Variants in GGA3 observed in about 807,000 individuals in gnomAD.
GGA3 encodes the protein golgi associated, gamma adaptin ear containing, ARF binding protein 3.
In GGA3, 57 loss-of-function variants were observed where a neutral mutation model predicts 77.5. The ratio of observed to expected loss-of-function variants is 0.74; its 90% CI spans 0.59 to 0.92. GGA3 has a LOEUF of 0.92. Among genes scored for constraint, GGA3 ranks in the 40% least tolerant of loss-of-function variants. The probability of loss-of-function intolerance (pLI) is 0.00; values close to 1 mark genes in which losing one functional copy is unlikely to be tolerated. For missense variants in GGA3, 970 were observed against 914.9 expected (o/e 1.06, Z -0.78); for synonymous variants, 416 against 383.7 (o/e 1.08, Z -0.98).
At chr17:75,243,806 G>C (rs1008726451) in intron 4 of GGA3, among the ~76,000 whole-genome samples, 4 of 152,044 alleles carry the variant, frequency 2.6e-5, no homozygotes, top group Non-Finnish European at 5.9e-5. Context: ...ATCACCTCCT[G>C]TCCAGGAAGT....
In GGA3 at chr17:75,246,521, G is replaced by A; in HGVS notation, c.189C>T (p.Leu63=). The change falls in exon 3 of 17, where the codon CTC becomes CTT. Residue 63 remains leucine, a synonymous_variant. Coordinates refer to ENST00000537686, the MANE Select transcript of GGA3 (RefSeq NM_138619.4). ...GTGAAGGACCTACCGTCAGGGCCTGGAGCGCCTCCCATTCCTGTGGGGACT... is the reference window on the plus strand; with the variant it reads ...GTGAAGGACCTACCGTCAGGGCCTGAAGCGCCTCCCATTCCTGTGGGGACT... ...KIQSPQEWEA[L]QALTVLEACM... The A allele has an allele frequency of 6.2e-7, 1 of 1,610,286 alleles. No individual in the cohort carries two copies. The highest frequency in any genetic ancestry group is 1.1e-5 in the South Asian group (1 of 90,996).
At chr17:75,261,845 T>G (rs2077395881), upstream of GGA3, 1 of 1,561,316 alleles carries the variant, frequency 6.4e-7, no homozygotes, top group Admixed American at 1.8e-5. Context: ...CCGTTTCCCG[T>G]CACTCGCTCA....
chr17:75,244,773 G>C (rs967686978), intron 3 of GGA3, 56 bp from the exon 4 acceptor site: 2 of 1,137,136 alleles, frequency 1.8e-6, no homozygotes, highest in African/African-American at 1.5e-5. Flanking sequence ...GCTGGAACCT[G>C]GCACTGGCAA....
chr17:75,252,334 C>T (rs2076994697), intron 1 of GGA3, among the ~76,000 whole-genome samples: 1 of 152,098 alleles, frequency 6.6e-6, no homozygotes, highest in African/African-American at 2.4e-5. Context: ...AGGCGATGCT[C>T]CCACCTCAGC....
intron 1 of GGA3, among the ~76,000 whole-genome samples, chr17:75,258,106 G>A (rs1425265911): frequency 2.6e-5 from 4 of 152,092 alleles, no homozygotes; most frequent in African/African-American, 7.2e-5. Context: ...ATCCCTGCCC[G>A]CAAAACATTG....
At chr17:75,245,604 C>T (rs917731722) in intron 3 of GGA3, among the ~76,000 whole-genome samples, 5 of 152,044 alleles carry the variant, frequency 3.3e-5, no homozygotes, top group Admixed American at 2.6e-4. Context: ...CACTCACTTT[C>T]GCCTCAACTT....
Position 75,240,967 on chromosome 17 carries a change from G to A in GGA3, c.1037C>T (p.Pro346Leu), listed in dbSNP as rs368926791. ...NSLSSVLAPA[P>L]TPPSSGIPIL... is the part of the protein sequence containing the mutation. Reference sequence around the variant, plus strand: ...TGGGATGCCTGAGGAGGGTGGAGTAGGTGCTGGGGCCAACACGGAGGACAA... The same window carrying A: ...TGGGATGCCTGAGGAGGGTGGAGTAAGTGCTGGGGCCAACACGGAGGACAA... Residue 346 changes from proline (P) to leucine (L), a missense_variant, in exon 11 of 17, where the codon CCT (proline) becomes CTT (leucine). Coordinates refer to ENST00000537686, the MANE Select transcript of GGA3 (RefSeq NM_138619.4). The A allele has an allele frequency of 6.2e-7, 1 of 1,614,154 alleles. No homozygotes were observed. The highest frequency in any genetic ancestry group is 1.3e-5 in the African/African-American group (1 of 75,030).
intron 4 of GGA3, 110 bp downstream of exon 4, chr17:75,244,509 T>A: frequency 1.3e-6 from 1 of 765,402 alleles, no homozygotes; most frequent in Non-Finnish European, 2.3e-6. Flanking sequence ...AAGACACAAA[T>A]AATCTCAGCT....
rs1353128546 is a variant in GGA3, at chr17:75,237,581, G to A, written c.*698C>T. 6.5e-7 allele frequency: 1 copy of A among 1,535,224 alleles called. No homozygotes were observed. Among genetic ancestry groups the A allele is most frequent in the African/African-American group, 1.4e-5 (1 of 73,150 alleles). ...CTCTTCATTTTCCTTCCTATCCCTA[G>A]TTGGGCCTGTCATGAGGCCAAATTC... On this transcript the variant is annotated 3_prime_UTR_variant, in exon 17 of 17. Coordinates refer to ENST00000537686, the MANE Select transcript of GGA3 (RefSeq NM_138619.4).
intron 1 of GGA3, among the ~76,000 whole-genome samples, chr17:75,255,486 C>A (rs1326243915): frequency 2.0e-5 from 3 of 152,126 alleles, no homozygotes; most frequent in Non-Finnish European, 4.4e-5. Context: ...TACCTCTACT[C>A]CCTCCTTGGC....
At chr17:75,252,108 C>A (rs1386070855) in intron 1 of GGA3, among the ~76,000 whole-genome samples, 1 of 151,460 alleles carries the variant, frequency 6.6e-6, no homozygotes, top group African/African-American at 2.4e-5. Context: ...GAGACGGGGT[C>A]TCACTCTGTC....
chr17:75,246,841 G>C, intron 1 of GGA3, 45 bp from the exon 2 acceptor site: 11 of 1,506,606 alleles, frequency 7.3e-6, no homozygotes, highest in Non-Finnish European at 1.0e-5. Context: ...GAAGAGCAAT[G>C]AGGATGCAAT....
intron 8 of GGA3, 31 bp downstream of exon 8, chr17:75,242,305 G>T (rs370781565): frequency 6.2e-7 from 1 of 1,613,096 alleles, no homozygotes; most frequent in South Asian, 1.1e-5. Context: ...GCGCAGCCCC[G>T]GGAGGCAGCC....
intron 7 of GGA3, 56 bp from the exon 8 acceptor site, chr17:75,242,529 T>C: frequency 1.2e-6 from 2 of 1,604,018 alleles, no homozygotes; most frequent in Non-Finnish European, 1.7e-6. Context: ...GTCTTTCCAC[T>C]TCCACCAGGT....
At chr17:75,240,596 G>A (rs2076513975) in intron 11 of GGA3, 184 bp from the exon 12 acceptor site, 6 of 662,900 alleles carry the variant, frequency 9.1e-6, no homozygotes, top group Middle Eastern at 4.2e-4. Context: ...GAAGCGGGGG[G>A]CCTGTGGGGC....
In GGA3 at chr17:75,237,505, C is replaced by G; in HGVS notation, c.*774G>C. ...GCCTGTCCCCACGGCTGGAGGCACG[C>G]TTTTCCCAGAAAGCTGAGTACCTGC... On this transcript the variant is annotated 3_prime_UTR_variant, in exon 17 of 17. Coordinates refer to ENST00000537686, the MANE Select transcript of GGA3 (RefSeq NM_138619.4). 1 of 1,536,020 alleles carries G rather than the reference C, an allele frequency of 6.5e-7. No homozygotes were observed.
intron 1 of GGA3, among the ~76,000 whole-genome samples, chr17:75,261,013 T>C (rs2077348304): frequency 6.6e-6 from 1 of 152,218 alleles, no homozygotes. Context: ...CATCGCTCTC[T>C]TTGGAATATT....
intron 1 of GGA3, among the ~76,000 whole-genome samples, chr17:75,253,926 AC>A (rs2077056631): frequency 6.6e-6 from 1 of 152,144 alleles, no homozygotes; most frequent in African/African-American, 2.4e-5. Flanking sequence ...TTCTTCTGCA[AC>A]ACCGCTTGGC....
chr17:75,247,333 G>C (rs2076795938), intron 1 of GGA3, among the ~76,000 whole-genome samples: 1 of 151,780 alleles, frequency 6.6e-6, no homozygotes, highest in Non-Finnish European at 1.5e-5. Flanking sequence ...CACGATCTCG[G>C]CTCATTGCAG....
Sources: gnomAD v4.1 joint callset for allele counts (sites outside exome capture counted in the v4.1 genomes callset) on GRCh38, gnomAD v4.1.1 for gene constraint, MANE v1.5 for transcripts, NCBI Gene and HGNC (gene_info 2026-07-23, HGNC 2026-07-21) for gene names.